Variants in PHACTR2 observed in about 807,000 individuals in gnomAD.
PHACTR2 encodes the protein phosphatase and actin regulator 2.
Under a neutral mutation model 76.0 loss-of-function variants are expected in PHACTR2, and 30 were observed. The ratio of observed to expected loss-of-function variants is 0.39; its 90% CI spans 0.30 to 0.54. PHACTR2 has a LOEUF of 0.54. Ranked by LOEUF, PHACTR2 falls within the 20% of genes least tolerant of loss-of-function variation. PHACTR2 has a pLI of 0.61. For synonymous variants in PHACTR2, 292 were observed against 292.5 expected (o/e 1.00, Z 0.02); for missense variants, 696 against 781.1 (o/e 0.89, Z 1.30).
chr6:143,567,379 CTTTTA>C (rs1027847832), intron 1 of PHACTR2, among the ~76,000 whole-genome samples: 1 of 151,900 alleles, frequency 6.6e-6, no homozygotes, highest in East Asian at 1.9e-4. Flanking sequence ...TATTTATTGA[CTTTTA>C]TTTATTTATT....
chr6:143,682,537 G>T (rs1380884875), intron 1 of PHACTR2, among the ~76,000 whole-genome samples: 2 of 152,098 alleles, frequency 1.3e-5, no homozygotes, highest in East Asian at 3.9e-4. Context: ...TTTAGTCCTA[G>T]TAGTTTTTCA....
At chr6:143,771,166 ATATATATGTATATATATATATATG>A (rs1775107935) in intron 6 of PHACTR2, among the ~76,000 whole-genome samples, 1 of 27,672 alleles carries the variant, frequency 3.6e-5, no homozygotes, top group African/African-American at 2.1e-4. Flanking sequence ...ATGTATATAT[ATATATATGTATATATATATATATG>A]TGTGTATATA....
chr6:143,791,562 G>A lies in PHACTR2; in HGVS notation c.1845+2652G>A, dbSNP rs1440391849. 3.3e-5 allele frequency among the ~76,000 whole-genome samples: 5 copies of A among 152,170 alleles called. No individual in the cohort carries two copies. Among genetic ancestry groups the A allele is most frequent in the Middle Eastern group, 3.2e-3 (1 of 316 alleles). On this transcript the variant is annotated intron_variant, in intron 11 of 12. Transcript: ENST00000440869. The surrounding 1 kb of genome is among the most constrained non-coding windows in gnomAD (Gnocchi z 4.7). ...GAAAACAATATGTGTTCTATGGTTT[G>A]AGGGTGTGCAAATTTTCCTGTAAGA...
intron 9 of PHACTR2, among the ~76,000 whole-genome samples, chr6:143,778,362 C>G (rs1428126861): frequency 6.6e-6 from 1 of 152,062 alleles, no homozygotes; most frequent in Non-Finnish European, 1.5e-5. Flanking sequence ...TATTGTATTA[C>G]AGTTGTTAGT....
At position 143,671,423 on chromosome 6, in the gene PHACTR2, C is replaced by T. The variant is rs1171998514; in HGVS notation, c.14-40593C>T. On this transcript the variant is annotated intron_variant, in intron 1 of 11. Coordinates refer to the PHACTR2 transcript ENST00000305766. The surrounding 1 kb of genome is among the most constrained non-coding windows in gnomAD (Gnocchi z 4.6). ...CTCCCCCAGATAGCCATATGGTTAACTCCATTACCTCCTTTGTGTTTTTGC... is the reference window on the plus strand; with the variant it reads ...CTCCCCCAGATAGCCATATGGTTAATTCCATTACCTCCTTTGTGTTTTTGC... 6.6e-6 allele frequency among the ~76,000 whole-genome samples: 1 copy of T among 152,210 alleles called. No homozygotes were observed. Among genetic ancestry groups the T allele is most frequent in the African/African-American group, 2.4e-5 (1 of 41,450 alleles).
intron 9 of PHACTR2, among the ~76,000 whole-genome samples, chr6:143,779,915 T>C: frequency 9.6e-6 from 1 of 104,266 alleles, no homozygotes; most frequent in South Asian, 3.6e-4. Flanking sequence ...TTATATTATA[T>C]TATATTATAT....
intron 1 of PHACTR2, among the ~76,000 whole-genome samples, chr6:143,588,634 GAAA>G (rs1187734575): frequency 6.6e-6 from 1 of 152,110 alleles, no homozygotes; most frequent in Non-Finnish European, 1.5e-5. Flanking sequence ...TCATGAAATA[GAAA>G]ACAAATATAT....
chr6:143,660,367 G>A (rs555638962), intron 1 of PHACTR2, among the ~76,000 whole-genome samples: 1 of 152,276 alleles, frequency 6.6e-6, no homozygotes, highest in East Asian at 1.9e-4. Flanking sequence ...CAAAGAGAGA[G>A]CTTGTGCAGG....
At position 143,595,276 on chromosome 6, in the gene PHACTR2, G is replaced by A. The variant is rs1339862247; in HGVS notation, c.217+58069G>A. ...ACACACTAAAGGCTAATTAGGTAAA[G>A]GGAGAAGTGTACATGACAGGTTTCT... is the stretch of plus-strand genomic sequence containing the variant. On this transcript the variant is annotated intron_variant, in intron 1 of 11. Transcript: ENST00000367584. This position sits in a 1 kb window ranked among gnomAD's most constrained non-coding sequence, Gnocchi z 4.2. 6.6e-6 allele frequency among the ~76,000 whole-genome samples: 1 copy of A among 152,228 alleles called. No individual in the cohort carries two copies. Among genetic ancestry groups the A allele is most frequent in the Admixed American group, 6.5e-5 (1 of 15,288 alleles).
chr6:143,575,885 G>C (rs1562240559), intron 1 of PHACTR2, among the ~76,000 whole-genome samples: 1 of 151,632 alleles, frequency 6.6e-6, no homozygotes, highest in East Asian at 1.9e-4. Context: ...TTTCAATTTA[G>C]AAAAAAAAAG....
At chr6:143,714,397 G>T (rs1778254988) in intron 2 of PHACTR2, among the ~76,000 whole-genome samples, 1 of 152,186 alleles carries the variant, frequency 6.6e-6, no homozygotes, top group African/African-American at 2.4e-5. Context: ...ATTCTTAATT[G>T]GTAGTAGATA....
At position 143,558,484 on chromosome 6, in the gene PHACTR2, T is replaced by TA. The variant is rs938150865; in HGVS notation, c.217+21284dup. Among the ~76,000 whole-genome samples the TA allele has an allele frequency of 2.0e-5, 3 of 152,192 alleles. No homozygotes were observed. Among genetic ancestry groups the TA allele is most frequent in the African/African-American group, 7.2e-5 (3 of 41,442 alleles). On this transcript the variant is annotated intron_variant, in intron 1 of 11. Transcript: ENST00000367584. The surrounding 1 kb of genome is among the most constrained non-coding windows in gnomAD (Gnocchi z 4.7). ...CATATGTAGTAAAACTACTAGGTTT[T>TA]AAAAAAATTGAGTGTCAGATCTGTT...
intron 6 of PHACTR2, among the ~76,000 whole-genome samples, chr6:143,771,160 A>ATG (rs1775101530): frequency 1.9e-4 from 4 of 21,588 alleles, no homozygotes; most frequent in Admixed American, 5.7e-4. Flanking sequence ...ATATATATGT[A>ATG]TATATATATA....
At chr6:143,756,063 TC>T (rs1156593673) in intron 4 of PHACTR2, among the ~76,000 whole-genome samples, 4 of 152,094 alleles carry the variant, frequency 2.6e-5, no homozygotes, top group Non-Finnish European at 5.9e-5. Flanking sequence ...GAGCATTCTG[TC>T]ATCTATTTGG....
Position 143,753,973 on chromosome 6 carries a change from C to A in PHACTR2, c.454+61C>A. The A allele has an allele frequency of 8.6e-7, 1 of 1,158,102 alleles. No homozygotes were observed. The highest frequency in any genetic ancestry group is 1.2e-6 in the Non-Finnish European group (1 of 844,918). 71.7% of individuals were successfully genotyped at this position (1,158,102 alleles called of 1,614,324 possible). ...TATATAGCTCAATGTCTAGAACCAGCACTTAGGCTCCAACTAGTGACTCTA... is the reference window on the plus strand; with the variant it reads ...TATATAGCTCAATGTCTAGAACCAGAACTTAGGCTCCAACTAGTGACTCTA... On this transcript the variant is annotated intron_variant, in intron 4 of 12. Coordinates refer to ENST00000440869, the MANE Select transcript of PHACTR2 (RefSeq NM_001100164.2). The surrounding 1 kb of genome is among the most constrained non-coding windows in gnomAD (Gnocchi z 4.6).
chr6:143,622,943 T>G (rs1012065657), intron 1 of PHACTR2, among the ~76,000 whole-genome samples: 1 of 152,178 alleles, frequency 6.6e-6, no homozygotes, highest in Non-Finnish European at 1.5e-5. Flanking sequence ...CCTGTGAAAT[T>G]TGGCCCTAAG....
chr6:143,751,532 T>C lies in PHACTR2; in HGVS notation c.296-2222T>C, dbSNP rs754660378. 5.3e-5 allele frequency among the ~76,000 whole-genome samples: 8 copies of C among 152,162 alleles called. No homozygotes were observed. Among genetic ancestry groups the C allele is most frequent in the Non-Finnish European group, 1.2e-4 (8 of 68,032 alleles). Reference sequence around the variant, plus strand: ...TCATACATGATTTTCTCTTTCTATCTGTCCCTCCTTTAACTATGATATATC... The same window carrying C: ...TCATACATGATTTTCTCTTTCTATCCGTCCCTCCTTTAACTATGATATATC... On this transcript the variant is annotated intron_variant, in intron 3 of 12. Transcript: ENST00000440869. This position sits in a 1 kb window ranked among gnomAD's most constrained non-coding sequence, Gnocchi z 5.7.
In PHACTR2 at chr6:143,743,662, C is replaced by T. The variant is rs375664754; in HGVS notation, c.215-5323C>T. Reference sequence around the variant, plus strand: ...AACTGCTATTGAAGAGGGGCAAAGCCGAGCCAGGCTCTTGTAGAACACTTT... The same window carrying T: ...AACTGCTATTGAAGAGGGGCAAAGCTGAGCCAGGCTCTTGTAGAACACTTT... On this transcript the variant is annotated intron_variant, in intron 2 of 12. Coordinates refer to ENST00000440869, the MANE Select transcript of PHACTR2 (RefSeq NM_001100164.2). This position sits in a 1 kb window ranked among gnomAD's most constrained non-coding sequence, Gnocchi z 5.0. 3.9e-5 allele frequency among the ~76,000 whole-genome samples: 6 copies of T among 152,236 alleles called. No individual in the cohort carries two copies. Among genetic ancestry groups the T allele is most frequent in the Admixed American group, 6.5e-5 (1 of 15,290 alleles).
Position 143,579,224 on chromosome 6 carries a change from A to G in PHACTR2, c.217+42017A>G, listed in dbSNP as rs369721783. Among the ~76,000 whole-genome samples the G allele has an allele frequency of 4.3e-4, 65 of 152,140 alleles. No individual in the cohort carries two copies. In the South Asian group the frequency reaches 0.013, roughly 32 times the overall value. On this transcript the variant is annotated intron_variant, in intron 1 of 11. Transcript: ENST00000367584. ...CTGCTCCAAAACTTATTTTTTTCTT[A>G]TTGTAACATAGCTGTGTGAACAAGA...
Sources: gnomAD v4.1 joint callset for allele counts (sites outside exome capture counted in the v4.1 genomes callset) on GRCh38, gnomAD v4.1.1 for gene constraint, Gnocchi (gnomAD v3.1) non-coding constraint, MANE v1.5 for transcripts, NCBI Gene and HGNC (gene_info 2026-07-23, HGNC 2026-07-21) for gene names.